Variants in HDAC9 observed in about 807,000 individuals in gnomAD.
HDAC9 encodes the protein MEF-2 interacting transcription repressor (MITR) protein.
HDAC9 carries 41 observed loss-of-function variants against 139.4 expected under a neutral mutation model. That is an observed-to-expected ratio of 0.29 (90% CI 0.23 to 0.38). The LOEUF (loss-of-function observed/expected upper bound fraction) is 0.38. Ranked by LOEUF, HDAC9 falls within the 10% of genes least tolerant of loss-of-function variation. The pLI is 1.00. For synonymous variants in HDAC9, 517 were observed against 476.2 expected, an observed-to-expected ratio of 1.09 and a Z score of -1.12; for missense variants, 1,147 against 1,297.0, an observed-to-expected ratio of 0.88 and a Z score of 1.78.
rs950586879 is a variant in HDAC9, at chr7:18,585,236, T to C, written c.23-45T>C. 1.9e-6 allele frequency: 3 copies of C among 1,597,206 alleles called. No individual in the cohort carries two copies. The African/African-American group carries it at 4.0e-5, about 22-fold the overall frequency. On this transcript the variant is annotated intron_variant, in intron 2 of 25. Coordinates refer to ENST00000686413, the MANE Select transcript of HDAC9 (RefSeq NM_178425.4). ...ATCAATGTGCTAATTTCCAATCTTC[T>C]ATTACCCTCCCCCACCCCATTTCCC... is the stretch of plus-strand genomic sequence containing the variant.
intron 2 of HDAC9, among the ~76,000 whole-genome samples, chr7:18,546,466 G>A (rs1332254800): frequency 6.6e-6 from 1 of 152,134 alleles, no homozygotes; most frequent in Non-Finnish European, 1.5e-5. Flanking sequence ...ACCTATCACA[G>A]TGCTTGACAC....
chr7:18,305,992 C>A (rs993636852), intron 1 of HDAC9, among the ~76,000 whole-genome samples: 6 of 152,134 alleles, frequency 3.9e-5, no homozygotes, highest in Non-Finnish European at 8.8e-5. Context: ...GCAATTCACT[C>A]CCCAGTCCTG....
At chr7:18,378,874 G>T (rs1443451040) in intron 1 of HDAC9, among the ~76,000 whole-genome samples, 2 of 152,048 alleles carry the variant, frequency 1.3e-5, no homozygotes, top group Non-Finnish European at 2.9e-5. Context: ...GTTTTTAGTA[G>T]AACTAAATAT....
chr7:18,097,865 A>G (rs117125924), intron 1 of HDAC9, among the ~76,000 whole-genome samples: 2,109 of 152,216 alleles, frequency 0.014, 20 homozygotes, highest in Non-Finnish European at 0.022. Flanking sequence ...CACCCAGCCT[A>G]TATTATCATT....
chr7:18,985,360 T>G (rs553453355), intron 25 of HDAC9, among the ~76,000 whole-genome samples: 8 of 152,128 alleles, frequency 5.3e-5, no homozygotes, highest in Non-Finnish European at 1.2e-4. Context: ...GAGAATGATG[T>G]TTTCCAATTT....
intron 2 of HDAC9, among the ~76,000 whole-genome samples, chr7:18,251,371 G>T (rs943712025): frequency 3.9e-5 from 6 of 152,118 alleles, no homozygotes; most frequent in Admixed American, 2.6e-4. Flanking sequence ...AGAGTGGTGG[G>T]GGGAGGGAGA....
intron 1 of HDAC9, among the ~76,000 whole-genome samples, chr7:18,487,997 A>G (rs1020475514): frequency 1.3e-5 from 2 of 152,090 alleles, no homozygotes; most frequent in Non-Finnish European, 2.9e-5. Flanking sequence ...CCAAGTTGAT[A>G]AATATTAAAT....
chr7:18,606,856 G>C (rs1353286489), intron 6 of HDAC9, among the ~76,000 whole-genome samples: 1 of 152,080 alleles, frequency 6.6e-6, no homozygotes, highest in Non-Finnish European at 1.5e-5. Flanking sequence ...TGCTCTCATG[G>C]ATGTTTATAG....
At chr7:18,554,492 C>T (rs551404695) in intron 2 of HDAC9, among the ~76,000 whole-genome samples, 7 of 152,084 alleles carry the variant, frequency 4.6e-5, no homozygotes, top group East Asian at 1.9e-4. Context: ...CCCGCCACCA[C>T]GCCCGGCTAA....
At chr7:18,603,663 CTAT>C (rs1464190588) in intron 6 of HDAC9, among the ~76,000 whole-genome samples, 1 of 151,904 alleles carries the variant, frequency 6.6e-6, no homozygotes, top group African/African-American at 2.4e-5. Context: ...TATTTTGTTC[CTAT>C]TATTATTGTG....
chr7:18,409,963 A>G (rs985305292), intron 1 of HDAC9, among the ~76,000 whole-genome samples: 12 of 152,322 alleles, frequency 7.9e-5, no homozygotes, highest in African/African-American at 2.6e-4. Flanking sequence ...AGTAAAGTGA[A>G]CAATAGAAAG....
chr7:18,953,440 T>C (rs958113871), intron 23 of HDAC9, among the ~76,000 whole-genome samples: 19 of 152,246 alleles, frequency 1.2e-4, no homozygotes, highest in African/African-American at 4.6e-4. Flanking sequence ...AAAGCTTCTC[T>C]TCATTTCTTG....
chr7:18,705,111 A>G (rs947418331), intron 12 of HDAC9, among the ~76,000 whole-genome samples: 1 of 152,202 alleles, frequency 6.6e-6, no homozygotes, highest in Admixed American at 6.5e-5. Flanking sequence ...GGATTGACTG[A>G]TGTACCTGCG....
In HDAC9 at chr7:18,112,439, A is replaced by G. The variant is rs529826008; in HGVS notation, c.-97+25226A>G. 1.2e-4 allele frequency among the ~76,000 whole-genome samples: 19 copies of G among 152,330 alleles called. No homozygotes were observed. In the South Asian group the frequency reaches 3.7e-3, roughly 30 times the overall value. On this transcript the variant is annotated intron_variant, in intron 1 of 12. Coordinates refer to the HDAC9 transcript ENST00000417496. ...AAAATCGAGGAAATGGTCTTTCGGT[A>G]CTTGTGAACTGTCATCCAATTCAAT... is the stretch of plus-strand genomic sequence containing the variant.
At chr7:18,712,003 C>A (rs970338264) in intron 12 of HDAC9, among the ~76,000 whole-genome samples, 9 of 151,260 alleles carry the variant, frequency 6.0e-5, no homozygotes, top group Non-Finnish European at 1.3e-4. Flanking sequence ...TCAATCAATG[C>A]AAATGCCCAG....
chr7:18,860,627 T>C (rs1243196254), intron 21 of HDAC9, among the ~76,000 whole-genome samples: 3 of 151,588 alleles, frequency 2.0e-5, no homozygotes, highest in African/African-American at 4.9e-5. Flanking sequence ...CCTTTAAGAA[T>C]AAATTGGGCT....
At chr7:18,389,031 C>T (rs994745726) in intron 1 of HDAC9, among the ~76,000 whole-genome samples, 1 of 152,140 alleles carries the variant, frequency 6.6e-6, no homozygotes, top group African/African-American at 2.4e-5. Context: ...CCCTCTTGTT[C>T]GCTGAAGCTG....
At chr7:18,342,267 T>C (rs1403713315) in intron 1 of HDAC9, among the ~76,000 whole-genome samples, 1 of 151,830 alleles carries the variant, frequency 6.6e-6, no homozygotes, top group East Asian at 1.9e-4. Flanking sequence ...TTTCTTCCAC[T>C]CTGTGAGTTT....
In HDAC9 at chr7:18,831,114, C is replaced by T. The variant is rs867841294; in HGVS notation, c.2466+1566C>T. Reference sequence around the variant, plus strand: ...AAAATTATGTAAGAAGGTGATTGGTCAACAGTTTGTCCTATCCTTAGGGAT... The same window carrying T: ...AAAATTATGTAAGAAGGTGATTGGTTAACAGTTTGTCCTATCCTTAGGGAT... On this transcript the variant is annotated intron_variant, in intron 19 of 25. Coordinates refer to ENST00000686413, the MANE Select transcript of HDAC9 (RefSeq NM_178425.4). 4.6e-5 allele frequency among the ~76,000 whole-genome samples: 7 copies of T among 152,130 alleles called. No homozygotes were observed. The South Asian group carries it at 1.5e-3, about 32-fold the overall frequency.
Sources: gnomAD v4.1 joint callset for allele counts (sites outside exome capture counted in the v4.1 genomes callset) on GRCh38, gnomAD v4.1.1 for gene constraint, MANE v1.5 for transcripts, NCBI Gene and HGNC (gene_info 2026-07-23, HGNC 2026-07-21) for gene names.